The following FAIM2 variants were observed in gnomAD, a reference collection of about 807,000 sequenced individuals.
The protein encoded by FAIM2 is Fas apoptotic inhibitory molecule 2.
A neutral mutation model predicts 47.4 loss-of-function variants in FAIM2; 27 were observed. That is an observed-to-expected ratio of 0.57 (90% CI 0.42 to 0.78). FAIM2 has a LOEUF of 0.78. Among genes scored for constraint, FAIM2 ranks in the 30% least tolerant of loss-of-function variants. FAIM2 has a pLI of 0.00. For missense variants in FAIM2, 311 were observed against 389.4 expected, an observed-to-expected ratio of 0.80 and a Z score of 1.69; for synonymous variants, 156 against 159.3, an observed-to-expected ratio of 0.98 and a Z score of 0.16.
rs921900000 is a variant in FAIM2 at position 49,897,919 on chromosome 12, G to A, written c.315+68C>T. ...ATGGCTTCTGCAGGCAGAGGGTTGGGCCAGGGACCTCTCCAGGGGCTCCCC... is the reference window on the plus strand; with the variant it reads ...ATGGCTTCTGCAGGCAGAGGGTTGGACCAGGGACCTCTCCAGGGGCTCCCC... On this transcript the variant is annotated intron_variant, in intron 3 of 11. Coordinates refer to ENST00000320634, the MANE Select transcript of FAIM2 (RefSeq NM_012306.4). 5.7e-6 allele frequency: 7 copies of A among 1,236,398 alleles called. No individual in the cohort carries two copies. In the African/African-American group the frequency reaches 8.9e-5, roughly 16 times the overall value. 76.6% of individuals were successfully genotyped at this position (1,236,398 alleles called of 1,614,324 possible).
chr12:49,882,208 T>C (rs927600912), intron 11 of FAIM2, among the ~76,000 whole-genome samples: 3 of 152,096 alleles, frequency 2.0e-5, no homozygotes, highest in Non-Finnish European at 4.4e-5. Flanking sequence ...TGCTGAGAAT[T>C]CCCCAAAGGC....
intron 11 of FAIM2, among the ~76,000 whole-genome samples, chr12:49,880,740 G>C (rs1224852494): frequency 1.3e-5 from 2 of 151,736 alleles, no homozygotes; most frequent in Non-Finnish European, 1.5e-5. Flanking sequence ...GTGTGTATGT[G>C]TGCATGTGTG....
intron 11 of FAIM2, among the ~76,000 whole-genome samples, chr12:49,876,466 A>G (rs554607348): frequency 6.6e-6 from 1 of 152,326 alleles, no homozygotes; most frequent in South Asian, 2.1e-4. Context: ...ATCATTTACC[A>G]TAAGAGTAAA....
intron 11 of FAIM2, among the ~76,000 whole-genome samples, chr12:49,877,818 ATGTG>A (rs1297798729): frequency 6.7e-6 from 1 of 149,484 alleles, no homozygotes; most frequent in Admixed American, 6.6e-5. Context: ...GCGTATGTGT[ATGTG>A]TGTCTATGTG....
At position 49,879,032 on chromosome 12, in the gene FAIM2, CTG is replaced by C. The variant is rs201865576; in HGVS notation, c.801+8352_801+8353del. ...CATGTGTGTATGTGTATGTGTGTGT[CTG>C]TGTGCATGAGTTTGTGTATGTGCAT... On this transcript the variant is annotated intron_variant, in intron 11 of 11. Coordinates refer to ENST00000320634, the MANE Select transcript of FAIM2 (RefSeq NM_012306.4). Among the ~76,000 whole-genome samples, 426 of 117,890 alleles carry C rather than the reference CTG, an allele frequency of 3.6e-3. 75 individuals are homozygous for C. Among genetic ancestry groups the C allele is most frequent in the Middle Eastern group, 0.014 (3 of 210 alleles). The allele number at this position is 117,890 out of a possible 152,430, so 77.3% of individuals were successfully genotyped here. A position where few individuals can be genotyped will look rare whatever the true frequency, so the allele number is the denominator to read the frequency against.
chr12:49,883,753 G>T (rs1049648235), intron 11 of FAIM2, among the ~76,000 whole-genome samples: 2 of 152,134 alleles, frequency 1.3e-5, no homozygotes, highest in African/African-American at 4.8e-5. Flanking sequence ...GAAACGCCTG[G>T]GTGGGTGGTG....
intron 2 of FAIM2, among the ~76,000 whole-genome samples, chr12:49,899,646 G>A (rs1321032190): frequency 6.6e-6 from 1 of 152,184 alleles, no homozygotes; most frequent in Non-Finnish European, 1.5e-5. Flanking sequence ...ACTCAGTGTG[G>A]ATACCGCTTC....
At chr12:49,897,407 C>A in intron 4 of FAIM2, 112 bp downstream of exon 4, 1 of 1,018,878 alleles carries the variant, frequency 9.8e-7, no homozygotes, top group Non-Finnish European at 1.5e-6. Flanking sequence ...GCCCACTGCC[C>A]CACAGGCATC....
rs1373811780 is a variant in FAIM2, at chr12:49,889,701, G to C, written c.564-133C>G. The C allele has an allele frequency of 8.5e-6, 6 of 706,972 alleles. No homozygotes were observed. In the Admixed American group the frequency reaches 1.4e-4, roughly 16 times the overall value. 43.8% of individuals were successfully genotyped at this position (706,972 alleles called of 1,614,324 possible). ...GCCCCAGTCTGGTGCCCTTTCCCCA[G>C]ATCCCTCTGTCTGCCTCCCCAGCCT... is the stretch of plus-strand genomic sequence containing the variant. On this transcript the variant is annotated intron_variant, in intron 8 of 11. Coordinates refer to ENST00000320634, the MANE Select transcript of FAIM2 (RefSeq NM_012306.4).
intron 11 of FAIM2, among the ~76,000 whole-genome samples, chr12:49,871,659 CTTTTCTTTTCT>C (rs1946703743): frequency 7.0e-6 from 1 of 143,558 alleles, no homozygotes; most frequent in Non-Finnish European, 1.5e-5. Flanking sequence ...TTTTTCTTTT[CTTTTCTTTTCT>C]TTTTTTTTTT....
In FAIM2 at chr12:49,888,999, G is replaced by A. The variant is rs948258780; in HGVS notation, c.747+108C>T. ...GGGGCCGCACAGGATGGCAGGCTGT[G>A]GGGCCTTGGCTCCTGGCCTTCCCTG... On this transcript the variant is annotated intron_variant, in intron 10 of 11. Transcript: ENST00000320634. 4 of 790,442 alleles carry A rather than the reference G, an allele frequency of 5.1e-6. No homozygotes were observed. In the Admixed American group the frequency reaches 6.1e-5, roughly 12 times the overall value. The allele number at this position is 790,442 out of a possible 1,614,324, so 49.0% of individuals were successfully genotyped here. A position where few individuals can be genotyped will look rare whatever the true frequency, so the allele number is the denominator to read the frequency against.
intron 10 of FAIM2, among the ~76,000 whole-genome samples, chr12:49,888,293 GGAC>G (rs956487056): frequency 1.3e-5 from 2 of 152,202 alleles, no homozygotes; most frequent in African/African-American, 2.4e-5. Flanking sequence ...GTCCTGGACT[GGAC>G]GCCAAGTGCC....
intron 10 of FAIM2, among the ~76,000 whole-genome samples, chr12:49,888,640 T>C (rs2137097544): frequency 6.6e-6 from 1 of 152,188 alleles, no homozygotes; most frequent in South Asian, 2.1e-4. Context: ...GCTCTAAGGA[T>C]GTGGGTATAC....
chr12:49,877,354 G>A (rs1946743355), intron 11 of FAIM2, among the ~76,000 whole-genome samples: 1 of 152,236 alleles, frequency 6.6e-6, no homozygotes, highest in Admixed American at 6.5e-5. Flanking sequence ...CTTCCAGGTT[G>A]TCTGGGTGGG....
chr12:49,890,278 C>A (rs1159075608), intron 7 of FAIM2, 124 bp from the exon 8 acceptor site: 4 of 827,590 alleles, frequency 4.8e-6, no homozygotes, highest in Non-Finnish European at 6.1e-6. Context: ...TATGTCACCC[C>A]CACACACACT....
rs748035687 is a variant in FAIM2, at chr12:49,901,183, G to T, written c.158C>A (p.Pro53His). ...SGEGMKAGAF[P>H]PAPTAVPLHP... ...GAGAGGCACCGCTGTGGGGGCTGGG[G>T]GGAAGGCCCCTGCCTTCATCCCCTC... Residue 53 changes from proline (P) to histidine (H), a missense_variant, in exon 2 of 12, where the codon CCC (proline) becomes CAC (histidine). Coordinates refer to ENST00000320634, the MANE Select transcript of FAIM2 (RefSeq NM_012306.4). 6.2e-7 allele frequency: 1 copy of T among 1,608,584 alleles called. No individual in the cohort carries two copies.
intron 11 of FAIM2, 49 bp downstream of exon 11, chr12:49,887,336 AT>A (rs1400278161): frequency 3.9e-6 from 6 of 1,526,142 alleles, no homozygotes; most frequent in Non-Finnish European, 5.4e-6. Flanking sequence ...GACTGGGGTG[AT>A]GGTCAGGATG....
At chr12:49,887,465 G>A (rs1222883133) in intron 10 of FAIM2, 26 bp from the exon 11 acceptor site, 2 of 1,604,216 alleles carry the variant, frequency 1.2e-6, no homozygotes, top group East Asian at 2.2e-5. Flanking sequence ...AATGGGCTTA[G>A]GGACGACAAG....
chr12:49,871,669 C>CTTTTTT (rs3049277), intron 11 of FAIM2, among the ~76,000 whole-genome samples: 1 of 141,526 alleles, frequency 7.1e-6, no homozygotes, highest in African/African-American at 2.6e-5. Context: ...CTTTTCTTTT[C>CTTTTTT]TTTTTTTTTT....
Sources: allele counts gnomAD v4.1 joint callset (sites outside exome capture counted in the v4.1 genomes callset), GRCh38; gene constraint gnomAD v4.1.1; transcripts MANE v1.5; gene names NCBI Gene and HGNC (gene_info 2026-07-23, HGNC 2026-07-21).